The following RIMS2 variants were observed in gnomAD, a reference collection of about 807,000 sequenced individuals.
The protein encoded by RIMS2 is regulating synaptic membrane exocytosis protein 2.
A neutral mutation model predicts 174.4 loss-of-function variants in RIMS2; 59 were observed. The observed-to-expected ratio is 0.34, with a 90% confidence interval of 0.27 to 0.42. RIMS2 has a LOEUF of 0.42. Among genes scored for constraint, RIMS2 ranks in the 10% least tolerant of loss-of-function variants. The pLI is 1.00. For missense variants in RIMS2, 1,620 were observed against 1,666.3 expected, an observed-to-expected ratio of 0.97 and a Z score of 0.48; for synonymous variants, 606 against 572.5, an observed-to-expected ratio of 1.06 and a Z score of -0.84.
intron 1 of RIMS2, among the ~76,000 whole-genome samples, chr8:103,650,907 A>G (rs1037872052): frequency 2.0e-5 from 3 of 152,210 alleles, no homozygotes; most frequent in African/African-American, 7.2e-5. Flanking sequence ...GTGAGGCACC[A>G]TGTAAGTGGG....
intron 1 of RIMS2, among the ~76,000 whole-genome samples, chr8:103,540,622 A>G (rs760122548): frequency 9.2e-5 from 14 of 152,336 alleles, no homozygotes; most frequent in South Asian, 2.1e-4. Flanking sequence ...GTGAGGTATA[A>G]CACCACCAAA....
chr8:103,954,266 C>T (rs1310020391), intron 14 of RIMS2, among the ~76,000 whole-genome samples: 1 of 152,150 alleles, frequency 6.6e-6, no homozygotes, highest in African/African-American at 2.4e-5. Flanking sequence ...TAGACATCTA[C>T]AGAACTCTCC....
intron 16 of RIMS2, among the ~76,000 whole-genome samples, chr8:103,988,664 T>A (rs2094509013): frequency 6.6e-6 from 1 of 152,162 alleles, no homozygotes; most frequent in African/African-American, 2.4e-5. Flanking sequence ...TTCTCCATGT[T>A]GGTCAGGCTG....
At chr8:103,573,398 A>G (rs537085904) in intron 1 of RIMS2, among the ~76,000 whole-genome samples, 1 of 152,190 alleles carries the variant, frequency 6.6e-6, no homozygotes, top group East Asian at 1.9e-4. Flanking sequence ...ATTTTTGAAT[A>G]TGGTCACAGT....
chr8:103,572,752 A>T (rs1291604794), intron 1 of RIMS2, among the ~76,000 whole-genome samples: 1 of 151,826 alleles, frequency 6.6e-6, no homozygotes, highest in African/African-American at 2.4e-5. Context: ...TAATGGGGTC[A>T]TTTATTTTTT....
intron 16 of RIMS2, among the ~76,000 whole-genome samples, chr8:103,982,656 A>T (rs947195233): frequency 6.6e-6 from 1 of 152,160 alleles, no homozygotes; most frequent in South Asian, 2.1e-4. Flanking sequence ...AAACCATATG[A>T]TTATTTTAAT....
At chr8:104,076,897 A>G (rs1475289998) in intron 19 of RIMS2, among the ~76,000 whole-genome samples, 1 of 151,426 alleles carries the variant, frequency 6.6e-6, no homozygotes, top group Non-Finnish European at 1.5e-5. Flanking sequence ...GGTCACTGCA[A>G]CCTCTGCCTC....
chr8:104,148,016 C>CA lies in RIMS2; in HGVS notation c.3335-96899dup, dbSNP rs551241036. Among the ~76,000 whole-genome samples the CA allele has an allele frequency of 2.1e-4, 31 of 149,720 alleles. No homozygotes were observed. The South Asian group carries it at 6.5e-3, about 32-fold the overall frequency. On this transcript the variant is annotated intron_variant, in intron 19 of 23. Coordinates refer to ENST00000504942, the Ensembl canonical transcript of RIMS2. The stretch of plus-strand genomic sequence containing the variant: ...TTATTTTTGTAATATAGATTTATAT[C>CA]AGTAATGATTAAGTAAAGTGAAATA...
intron 14 of RIMS2, among the ~76,000 whole-genome samples, chr8:103,960,857 A>C (rs1243849791): frequency 6.6e-6 from 1 of 152,144 alleles, no homozygotes; most frequent in Non-Finnish European, 1.5e-5. Context: ...AATTGTATAA[A>C]TTGTTAACTC....
chr8:103,555,880 A>G (rs997166979), intron 1 of RIMS2, among the ~76,000 whole-genome samples: 22 of 151,992 alleles, frequency 1.4e-4, no homozygotes, highest in African/African-American at 4.8e-4. Flanking sequence ...AAATCCTATC[A>G]TATGCAACAA....
At chr8:104,249,422 T>C in intron 21 of RIMS2, 65 bp from the exon 28 acceptor site, 1 of 801,044 alleles carries the variant, frequency 1.2e-6, no homozygotes, top group South Asian at 1.6e-5. Flanking sequence ...ACCAAGGTCT[T>C]TGACTCTATT....
At chr8:104,106,953 T>C (rs1340220215) in intron 19 of RIMS2, among the ~76,000 whole-genome samples, 1 of 152,158 alleles carries the variant, frequency 6.6e-6, no homozygotes, top group Non-Finnish European at 1.5e-5. Flanking sequence ...TGTGGTACTA[T>C]AGTATGACTT....
chr8:104,106,734 A>G (rs889813128), intron 19 of RIMS2, among the ~76,000 whole-genome samples: 3 of 152,210 alleles, frequency 2.0e-5, no homozygotes, highest in Non-Finnish European at 1.5e-5. Context: ...TATTTTTAAA[A>G]GCAAATAAGG....
chr8:104,177,402 A>G (rs1372437766), intron 19 of RIMS2, among the ~76,000 whole-genome samples: 1 of 152,138 alleles, frequency 6.6e-6, no homozygotes, highest in Non-Finnish European at 1.5e-5. Flanking sequence ...TATGTACTTC[A>G]TATGTAATAT....
At chr8:103,820,414 G>A (rs1000141764) in intron 3 of RIMS2, among the ~76,000 whole-genome samples, 8 of 151,980 alleles carry the variant, frequency 5.3e-5, no homozygotes, top group African/African-American at 1.9e-4. Flanking sequence ...AGAAGACTGA[G>A]AAAGAAATTC....
intron 19 of RIMS2, among the ~76,000 whole-genome samples, chr8:104,184,318 A>G (rs760990963): frequency 9.2e-5 from 14 of 151,614 alleles, no homozygotes; most frequent in Non-Finnish European, 1.5e-4. Flanking sequence ...ATGCCTCTAA[A>G]GAACAAAGAC....
At chr8:103,974,462 C>T (rs1214469308) in intron 15 of RIMS2, among the ~76,000 whole-genome samples, 1 of 152,102 alleles carries the variant, frequency 6.6e-6, no homozygotes, top group African/African-American at 2.4e-5. Context: ...CCATTATCAA[C>T]CTTATGATGT....
intron 1 of RIMS2, among the ~76,000 whole-genome samples, chr8:103,558,875 G>A (rs1190638035): frequency 6.6e-6 from 1 of 151,868 alleles, no homozygotes; most frequent in East Asian, 1.9e-4. Context: ...AACAAGCAGG[G>A]CCTTTAGTTC....
chr8:103,969,778 C>T (rs776748762), intron 15 of RIMS2, among the ~76,000 whole-genome samples: 16 of 151,988 alleles, frequency 1.1e-4, no homozygotes, highest in African/African-American at 1.9e-4. Context: ...GACAGGGACT[C>T]GCTCAGTCGC....
Sources: gnomAD v4.1 joint callset for allele counts (sites outside exome capture counted in the v4.1 genomes callset) on GRCh38, gnomAD v4.1.1 for gene constraint, MANE v1.5 for transcripts, NCBI Gene and HGNC (gene_info 2026-07-23, HGNC 2026-07-21) for gene names.